GTF2I: variants seen among roughly 807,000 people sequenced by gnomAD.
The protein encoded by GTF2I is general transcription factor IIi, also known as general transcription factor II-I.
GTF2I carries 12 observed loss-of-function variants against 67.6 expected under a neutral mutation model. The ratio of observed to expected loss-of-function variants is 0.18; its 90% CI spans 0.11 to 0.29. The LOEUF (loss-of-function observed/expected upper bound fraction) is 0.29, where lower values mean the gene tolerates loss of function less well. Among genes scored for constraint, GTF2I ranks in the 10% least tolerant of loss-of-function variants. The pLI, the probability that GTF2I is intolerant of heterozygous loss-of-function variation, is 1.00. For synonymous variants in GTF2I, 149 were observed against 197.0 expected, an observed-to-expected ratio of 0.76 and a Z score of 2.04; for missense variants, 271 against 580.1, an observed-to-expected ratio of 0.47 and a Z score of 5.47.
chr7:74,707,725 T>C (rs1790932435), intron 8 of GTF2I, among the ~76,000 whole-genome samples: 1 of 152,202 alleles, frequency 6.6e-6, no homozygotes, highest in African/African-American at 2.4e-5. Context: ...AAAAAAATCA[T>C]CATTTTGCAA....
chr7:74,667,375 TC>T (rs1385763364), intron 1 of GTF2I, among the ~76,000 whole-genome samples: 12 of 152,164 alleles, frequency 7.9e-5, no homozygotes, highest in Non-Finnish European at 1.3e-4. Context: ...ATGAATTTGT[TC>T]CTTTATGAAG....
At chr7:74,721,641 C>T (rs1473327579) in intron 12 of GTF2I, among the ~76,000 whole-genome samples, 1 of 151,890 alleles carries the variant, frequency 6.6e-6, no homozygotes, top group African/African-American at 2.4e-5. Context: ...CAAGGAAGGT[C>T]AAGTGAGAAC....
intron 12 of GTF2I, among the ~76,000 whole-genome samples, chr7:74,719,143 T>G (rs782159183): frequency 1.3e-5 from 2 of 152,322 alleles, no homozygotes; most frequent in East Asian, 3.9e-4. Flanking sequence ...GAATTAGCAT[T>G]GGCCCACGGG....
intron 1 of GTF2I, among the ~76,000 whole-genome samples, chr7:74,664,360 G>C (rs587700013): frequency 7.9e-5 from 12 of 152,282 alleles, no homozygotes; most frequent in African/African-American, 2.4e-4. Flanking sequence ...GAGAAAGTAA[G>C]AGAAAGTTCA....
In GTF2I at chr7:74,717,444, C is replaced by T. The variant is rs587712225; in HGVS notation, c.880+494C>T. 2.6e-5 allele frequency among the ~76,000 whole-genome samples: 4 copies of T among 152,282 alleles called. No homozygotes were observed. In the South Asian group the frequency reaches 8.3e-4, roughly 32 times the overall value. On this transcript the variant is annotated intron_variant, in intron 11 of 34. Coordinates refer to ENST00000573035, the MANE Select transcript of GTF2I (RefSeq NM_032999.4). Reference sequence around the variant, plus strand: ...ATAAATGACTTTGTCAGTTTACCAGCTCTACAGCTTTGGTTTTAGAATTGA... The same window carrying T: ...ATAAATGACTTTGTCAGTTTACCAGTTCTACAGCTTTGGTTTTAGAATTGA...
intron 6 of GTF2I, among the ~76,000 whole-genome samples, chr7:74,701,532 G>A (rs1240562289): frequency 2.6e-5 from 4 of 151,840 alleles, no homozygotes; most frequent in African/African-American, 7.3e-5. Context: ...GTGCAGTGGC[G>A]CGATCTTGGC....
At chr7:74,663,378 C>T (rs782318630) in intron 1 of GTF2I, among the ~76,000 whole-genome samples, 7 of 152,024 alleles carry the variant, frequency 4.6e-5, no homozygotes, top group Non-Finnish European at 8.8e-5. Flanking sequence ...CTCCGATTCC[C>T]GGGCTCAAGC....
chr7:74,690,172 G>A (rs1197420717), intron 2 of GTF2I, among the ~76,000 whole-genome samples: 3 of 151,948 alleles, frequency 2.0e-5, no homozygotes, highest in East Asian at 2.0e-4. Flanking sequence ...CCGAGATCGC[G>A]CCACCACACT....
At chr7:74,731,741 C>T (rs1437942045) in intron 14 of GTF2I, among the ~76,000 whole-genome samples, 1 of 148,904 alleles carries the variant, frequency 6.7e-6, no homozygotes, top group Non-Finnish European at 1.5e-5. Context: ...GACAAGGTTT[C>T]ACCATGTTGG....
rs1336807744 is a variant in GTF2I, at chr7:74,681,472, A to G, written c.-5-7652A>G. Among the ~76,000 whole-genome samples, 3 of 152,016 alleles carry G rather than the reference A, an allele frequency of 2.0e-5. No homozygotes were observed. In the East Asian group the frequency reaches 5.8e-4, roughly 29 times the overall value. On this transcript the variant is annotated intron_variant, in intron 1 of 34. Coordinates refer to ENST00000573035, the MANE Select transcript of GTF2I (RefSeq NM_032999.4). Reference sequence around the variant, plus strand: ...AAAGAAAAAAAGAAAAAAAAATGGGAAAGAAGGCATACCAGGCTCACATAG... The same window carrying G: ...AAAGAAAAAAAGAAAAAAAAATGGGGAAGAAGGCATACCAGGCTCACATAG...
At chr7:74,724,181 T>C (rs1488363177) in intron 12 of GTF2I, among the ~76,000 whole-genome samples, 5 of 152,240 alleles carry the variant, frequency 3.3e-5, no homozygotes, top group African/African-American at 1.2e-4. Context: ...CAATTGTTTA[T>C]GTAAAGAGTT....
At chr7:74,673,107 G>A (rs1022303825) in intron 1 of GTF2I, among the ~76,000 whole-genome samples, 9 of 152,018 alleles carry the variant, frequency 5.9e-5, no homozygotes, top group Admixed American at 2.0e-4. Context: ...TGATCTGCCC[G>A]CCTTGGCCTC....
intron 6 of GTF2I, among the ~76,000 whole-genome samples, chr7:74,704,032 A>T (rs587673261): frequency 6.6e-6 from 1 of 152,120 alleles, no homozygotes; most frequent in Admixed American, 6.6e-5. Context: ...TTTCTTTGCA[A>T]TCTAAGTGCC....
chr7:74,752,880 A>G (rs1795897856), intron 28 of GTF2I, among the ~76,000 whole-genome samples: 1 of 143,076 alleles, frequency 7.0e-6, no homozygotes, highest in Non-Finnish European at 1.5e-5. Flanking sequence ...GCTTGAAAAC[A>G]TTACACAGAG....
chr7:74,730,982 C>G (rs1554406585), intron 14 of GTF2I, among the ~76,000 whole-genome samples: 1 of 134,410 alleles, frequency 7.4e-6, no homozygotes, highest in Non-Finnish European at 1.6e-5. Context: ...GCTAGCATTA[C>G]AGGCGTGAGC....
In GTF2I at chr7:74,718,079, C is replaced by T. The variant is rs113422724; in HGVS notation, c.881-800C>T. Among the ~76,000 whole-genome samples, 1,290 of 152,294 alleles carry T rather than the reference C, an allele frequency of 8.5e-3. 11 individuals carry two copies. The highest frequency in any genetic ancestry group is 0.013 in the Non-Finnish European group (913 of 68,028). On this transcript the variant is annotated intron_variant, in intron 11 of 34. Coordinates refer to ENST00000573035, the MANE Select transcript of GTF2I (RefSeq NM_032999.4). The stretch of plus-strand genomic sequence containing the variant: ...CAGTACGAGGGCTCATTGGGCAGTA[C>T]CGATGGCTCACCGCCTTGCAGCCCC...
At chr7:74,673,670 C>T (rs1805652049) in intron 1 of GTF2I, among the ~76,000 whole-genome samples, 2 of 150,810 alleles carry the variant, frequency 1.3e-5, no homozygotes, top group African/African-American at 4.9e-5. Flanking sequence ...TGAGCCACCA[C>T]GCCCGGCCTC....
At chr7:74,686,553 G>A (rs1554395571) in intron 1 of GTF2I, among the ~76,000 whole-genome samples, 1 of 152,170 alleles carries the variant, frequency 6.6e-6, no homozygotes, top group East Asian at 1.9e-4. Flanking sequence ...GAAATACTAT[G>A]AATTTTCAGA....
At chr7:74,669,261 C>T (rs1423227953) in intron 1 of GTF2I, among the ~76,000 whole-genome samples, 2 of 138,110 alleles carry the variant, frequency 1.4e-5, no homozygotes, top group African/African-American at 5.5e-5. Context: ...GACAGTCTCG[C>T]TCTGTCTCCC....
Sources: allele counts gnomAD v4.1 joint callset (sites outside exome capture counted in the v4.1 genomes callset), GRCh38; gene constraint gnomAD v4.1.1; transcripts MANE v1.5; gene names NCBI Gene and HGNC (gene_info 2026-07-23, HGNC 2026-07-21).